RPN2: variants seen among roughly 807,000 people sequenced by gnomAD.
RPN2 encodes ribophorin II.
In RPN2, 29 loss-of-function variants were observed where a neutral mutation model predicts 71.4. That is an observed-to-expected ratio of 0.41 (90% CI 0.30 to 0.55). The LOEUF is 0.55. Ranked by LOEUF, RPN2 falls within the 20% of genes least tolerant of loss-of-function variation. The pLI is 0.35. For missense variants in RPN2, 726 were observed against 774.1 expected (o/e 0.94, Z 0.74); for synonymous variants, 308 against 305.0 (o/e 1.01, Z -0.10).
chr20:37,223,740 T>A, intron 9 of RPN2, 138 bp from the exon 10 acceptor site: 1 of 722,224 alleles, frequency 1.4e-6, no homozygotes, highest in Non-Finnish European at 2.4e-6. Context: ...TCAGTGTTAT[T>A]ATCATCCTTG....
At position 37,218,537 on chromosome 20, in the gene RPN2, G is replaced by A. The variant is rs572249239; in HGVS notation, c.1092+4672G>A. Among the ~76,000 whole-genome samples, 22 of 127,984 alleles carry A rather than the reference G, an allele frequency of 1.7e-4. No homozygotes were observed. In the East Asian group the frequency reaches 2.1e-3, roughly 12 times the overall value. 84.0% of individuals were successfully genotyped at this position (127,984 alleles called of 152,430 possible). On this transcript the variant is annotated intron_variant, in intron 9 of 16. Coordinates refer to ENST00000237530, the MANE Select transcript of RPN2 (RefSeq NM_002951.5). ...AGCCTGGTCAGCATGGGGAAACCCC[G>A]TCTCTGCTAAAAAAAAAAACAAAAA...
intron 1 of RPN2, 104 bp downstream of exon 1, chr20:37,179,473 A>G (rs2066782742): frequency 3.5e-6 from 5 of 1,413,122 alleles, no homozygotes; most frequent in Non-Finnish European, 4.6e-6. Context: ...CCTGCGGGAC[A>G]GGGGCATGGG....
chr20:37,239,807 G>A (rs1015517626), intron 16 of RPN2, among the ~76,000 whole-genome samples: 6 of 152,028 alleles, frequency 3.9e-5, no homozygotes, highest in Admixed American at 6.6e-5. Flanking sequence ...GGCTATGCCC[G>A]TTTGGTTTCA....
chr20:37,219,639 T>A (rs2146647024), intron 9 of RPN2, among the ~76,000 whole-genome samples: 1 of 152,374 alleles, frequency 6.6e-6, no homozygotes, highest in Non-Finnish European at 1.5e-5. Context: ...GATGCCATTA[T>A]GTAATCCAAG....
At chr20:37,211,380 G>A (rs1018486736) in intron 8 of RPN2, among the ~76,000 whole-genome samples, 5 of 148,000 alleles carry the variant, frequency 3.4e-5, no homozygotes, top group Non-Finnish European at 6.0e-5. Context: ...GCTCACGCCT[G>A]TAATCCCAGC....
chr20:37,220,246 A>G (rs1037126710), intron 9 of RPN2, among the ~76,000 whole-genome samples: 8 of 151,890 alleles, frequency 5.3e-5, no homozygotes, highest in Non-Finnish European at 1.2e-4. Flanking sequence ...CCTTTGCCGT[A>G]TATGCAACTT....
At chr20:37,214,002 A>T in intron 9 of RPN2, 137 bp downstream of exon 9, 1 of 731,432 alleles carries the variant, frequency 1.4e-6, no homozygotes, top group Non-Finnish European at 2.5e-6. Flanking sequence ...GGAGGGCTGC[A>T]TTCAGTCTTT....
At chr20:37,202,450 T>C (rs565755890) in intron 4 of RPN2, among the ~76,000 whole-genome samples, 2 of 152,328 alleles carry the variant, frequency 1.3e-5, no homozygotes, top group African/African-American at 4.8e-5. Context: ...TTCCCTGACA[T>C]ATTGACTTGA....
intron 8 of RPN2, among the ~76,000 whole-genome samples, chr20:37,211,484 C>T (rs1018736483): frequency 2.0e-5 from 3 of 150,622 alleles, no homozygotes; most frequent in Non-Finnish European, 3.0e-5. Context: ...ACTAAAAATA[C>T]AAAAAAATTA....
chr20:37,233,570 C>T (rs4810454), intron 14 of RPN2, among the ~76,000 whole-genome samples: 112,518 of 152,098 alleles, frequency 0.74, 42,076 homozygotes, highest in Middle Eastern at 0.85. Flanking sequence ...GGGCACCTGT[C>T]CTTACATTTC....
rs200070240 is a variant in RPN2 at position 37,234,027 on chromosome 20, G to A, written c.1685G>A (p.Arg562Gln). 7.7e-5 allele frequency: 124 copies of A among 1,614,092 alleles called. No individual in the cohort carries two copies. The highest frequency in any genetic ancestry group is 1.6e-4 in the Middle Eastern group (1 of 6,062). ...PLLLLFALWI[R>Q]IGANVSNFTF... The stretch of plus-strand genomic sequence containing the variant: ...TTTCTCCCCATCATTCAGTGGATCC[G>A]GATTGGTGCCAATGTCTCCAACTTC... Residue 562 changes from arginine to glutamine, a missense_variant, in exon 15 of 17, where the codon CGG becomes CAG. Arg to Gln is a conservative substitution (Grantham distance 43). Coordinates refer to ENST00000237530, the MANE Select transcript of RPN2 (RefSeq NM_002951.5).
intron 2 of RPN2, among the ~76,000 whole-genome samples, chr20:37,195,866 T>A (rs1322974455): frequency 6.6e-6 from 1 of 152,226 alleles, no homozygotes; most frequent in Admixed American, 6.5e-5. Context: ...TCTCTCTGGC[T>A]TCTTTAAAAC....
chr20:37,234,902 C>T (rs1006961118), intron 15 of RPN2, among the ~76,000 whole-genome samples: 1 of 152,228 alleles, frequency 6.6e-6, no homozygotes, highest in South Asian at 2.1e-4. Flanking sequence ...TGGTCTTGAA[C>T]TCCTAGGCTC....
intron 2 of RPN2, among the ~76,000 whole-genome samples, chr20:37,184,815 T>C (rs185847175): frequency 1.1e-4 from 17 of 152,280 alleles, no homozygotes; most frequent in Middle Eastern, 3.4e-3. Flanking sequence ...TATTTCAGTT[T>C]GACAGATCTG....
chr20:37,184,122 A>T (rs1037594748), intron 1 of RPN2, 58 bp from the exon 2 acceptor site: 2 of 1,593,948 alleles, frequency 1.3e-6, no homozygotes, highest in Non-Finnish European at 1.7e-6. Context: ...CATCATTGGG[A>T]CTGTGTATAG....
intron 1 of RPN2, among the ~76,000 whole-genome samples, chr20:37,181,431 CTTTT>C (rs748226554): frequency 2.3e-5 from 3 of 129,446 alleles, no homozygotes. Flanking sequence ...TTTTTCTTTT[CTTTT>C]TTTTTTTTTT....
At chr20:37,196,097 TCG>T (rs2067251123) in intron 2 of RPN2, among the ~76,000 whole-genome samples, 1 of 152,028 alleles carries the variant, frequency 6.6e-6, no homozygotes, top group Non-Finnish European at 1.5e-5. Flanking sequence ...TCTCACTCTG[TCG>T]TCCAGGCTGG....
intron 9 of RPN2, among the ~76,000 whole-genome samples, chr20:37,222,342 T>C (rs909805542): frequency 5.3e-5 from 8 of 152,172 alleles, no homozygotes; most frequent in African/African-American, 1.9e-4. Context: ...TAGGTGGCTG[T>C]GAATTCAAAA....
In RPN2 at chr20:37,183,016, G is replaced by C. The variant is rs2066920298; in HGVS notation, c.14-1164G>C. Among the ~76,000 whole-genome samples the C allele has an allele frequency of 2.0e-5, 3 of 152,050 alleles. No individual in the cohort carries two copies. The South Asian group carries it at 6.2e-4, about 32-fold the overall frequency. On this transcript the variant is annotated intron_variant, in intron 1 of 16. Transcript: ENST00000237530. ...CAGTGTGCAAGACTTGGAAATACTG[G>C]GATGAACAAAAGAAGCAGTCTTTAT...
Sources: allele counts gnomAD v4.1 joint callset (sites outside exome capture counted in the v4.1 genomes callset), GRCh38; gene constraint gnomAD v4.1.1; transcripts MANE v1.5; gene names NCBI Gene and HGNC (gene_info 2026-07-23, HGNC 2026-07-21).